Variants in GPHN observed in about 807,000 individuals in gnomAD.
GPHN encodes the protein gephyrin.
A neutral mutation model predicts 95.5 loss-of-function variants in GPHN; 17 were observed. That is an observed-to-expected ratio of 0.18 (90% CI 0.12 to 0.27). The LOEUF (loss-of-function observed/expected upper bound fraction) is 0.27. Among genes scored for constraint, GPHN ranks in the 10% least tolerant of loss-of-function variants. GPHN has a pLI of 1.00. For synonymous variants in GPHN, 320 were observed against 322.5 expected (o/e 0.99, Z 0.08); for missense variants, 660 against 978.1 (o/e 0.67, Z 4.34).
At chr14:67,567,285 G>A in the GPHN span, among the ~76,000 whole-genome samples, 2 of 152,232 alleles carry the variant, frequency 1.3e-5, no homozygotes, top group Admixed American at 1.3e-4. Flanking sequence ...TCAATCTGAC[G>A]GTGTGAGAAA....
At chr14:67,074,733 A>G (rs1193883639) in intron 11 of GPHN, among the ~76,000 whole-genome samples, 1 of 152,208 alleles carries the variant, frequency 6.6e-6, no homozygotes, top group East Asian at 1.9e-4. Context: ...TAAGGAAATT[A>G]AAAGTGCAGT....
At chr14:66,870,638 T>C (rs1596219822) in intron 4 of GPHN, among the ~76,000 whole-genome samples, 1 of 152,188 alleles carries the variant, frequency 6.6e-6, no homozygotes, top group Non-Finnish European at 1.5e-5. Flanking sequence ...TTTAAAAATA[T>C]AAATGTGAAG....
At chr14:67,339,301 A>T in the GPHN span, among the ~76,000 whole-genome samples, 1 of 152,092 alleles carries the variant, frequency 6.6e-6, no homozygotes, top group African/African-American at 2.4e-5. Context: ...CCAGCCTAGA[A>T]GCCTTTATTA....
At chr14:66,604,435 C>T (rs1020773518) in intron 1 of GPHN, among the ~76,000 whole-genome samples, 1 of 152,070 alleles carries the variant, frequency 6.6e-6, no homozygotes, top group Non-Finnish European at 1.5e-5. Context: ...TAGAAATCCA[C>T]AAACCTAACT....
the GPHN span, among the ~76,000 whole-genome samples, chr14:67,436,818 G>A: frequency 6.6e-6 from 1 of 152,332 alleles, no homozygotes; most frequent in East Asian, 1.9e-4. Context: ...CACTTTGGGA[G>A]GCTGAGATGG....
At chr14:67,600,341 G>T in the GPHN span, 1 of 704,064 alleles carries the variant, frequency 1.4e-6, no homozygotes, top group Non-Finnish European at 2.2e-6. Flanking sequence ...TCAGTTGCGC[G>T]CCGAGAGCTC....
chr14:67,091,303 C>T (rs2077137983), intron 12 of GPHN, among the ~76,000 whole-genome samples: 1 of 151,918 alleles, frequency 6.6e-6, no homozygotes, highest in Non-Finnish European at 1.5e-5. Context: ...TTGATTCCTT[C>T]TACAGTGTTG....
chr14:67,438,923 A>T, the GPHN span, among the ~76,000 whole-genome samples: 2,146 of 152,006 alleles, frequency 0.014, 58 homozygotes, highest in African/African-American at 0.05. Flanking sequence ...CCAGAGGGTC[A>T]AGATACACGG....
At chr14:67,301,456 C>T in the GPHN span, 1 of 1,607,250 alleles carries the variant, frequency 6.2e-7, no homozygotes, top group Non-Finnish European at 8.5e-7. Flanking sequence ...CTGAATACTC[C>T]ACATATTCAG....
the GPHN span, among the ~76,000 whole-genome samples, chr14:67,659,072 C>A: frequency 6.6e-6 from 1 of 152,304 alleles, no homozygotes; most frequent in South Asian, 2.1e-4. Context: ...ATTCCTTTAA[C>A]GATCTAGCTG....
At chr14:66,817,569 C>G (rs1311415279) in intron 3 of GPHN, among the ~76,000 whole-genome samples, 1 of 152,148 alleles carries the variant, frequency 6.6e-6, no homozygotes, top group Non-Finnish European at 1.5e-5. Flanking sequence ...TTATTTTTCA[C>G]AAGTCTGGGC....
chr14:67,279,077 TGAA>T, the GPHN span: 3 of 1,247,010 alleles, frequency 2.4e-6, no homozygotes, highest in East Asian at 2.7e-5. Context: ...TTTTTTTTTT[TGAA>T]GTAACATGGA....
chr14:66,712,378 A>T (rs1231042380), intron 2 of GPHN, among the ~76,000 whole-genome samples: 1 of 152,072 alleles, frequency 6.6e-6, no homozygotes, highest in African/African-American at 2.4e-5. Flanking sequence ...GGGTTGCATA[A>T]ATGTCTTCTT....
At chr14:66,795,137 G>A (rs1323953224) in intron 3 of GPHN, among the ~76,000 whole-genome samples, 1 of 152,048 alleles carries the variant, frequency 6.6e-6, no homozygotes, top group African/African-American at 2.4e-5. Context: ...ATCTTACTGG[G>A]TATTGACAAT....
chr14:67,665,097 C>A, the GPHN span, among the ~76,000 whole-genome samples: 11 of 152,176 alleles, frequency 7.2e-5, no homozygotes, highest in African/African-American at 2.7e-4. Context: ...GTGTGGTCCA[C>A]CCATCTCGGC....
At chr14:66,682,199 T>A (rs1026409180) in intron 2 of GPHN, among the ~76,000 whole-genome samples, 1 of 151,644 alleles carries the variant, frequency 6.6e-6, no homozygotes. Flanking sequence ...CTCTCTCCAT[T>A]TTTTTCTTTT....
At chr14:67,090,280 G>A (rs1462495354) in intron 12 of GPHN, among the ~76,000 whole-genome samples, 1 of 151,868 alleles carries the variant, frequency 6.6e-6, no homozygotes, top group Non-Finnish European at 1.5e-5. Context: ...GAAAATACAG[G>A]TTGGGCATCC....
intron 1 of GPHN, among the ~76,000 whole-genome samples, chr14:66,646,782 A>G (rs1220855222): frequency 6.6e-6 from 1 of 152,168 alleles, no homozygotes; most frequent in Non-Finnish European, 1.5e-5. Context: ...GTTTTACAAG[A>G]TGGTGTTTGG....
chr14:67,399,573 G>A, the GPHN span, among the ~76,000 whole-genome samples: 1 of 148,714 alleles, frequency 6.7e-6, no homozygotes, highest in Admixed American at 6.6e-5. Flanking sequence ...GCTGTCAGGT[G>A]GCAGGAATAA....
Sources: allele counts gnomAD v4.1 joint callset (sites outside exome capture counted in the v4.1 genomes callset), GRCh38; gene constraint gnomAD v4.1.1; transcripts MANE v1.5; gene names NCBI Gene and HGNC (gene_info 2026-07-23, HGNC 2026-07-21).